Variants in PARD3B observed in about 807,000 individuals in gnomAD.
PARD3B encodes the protein partitioning defective 3 homolog B.
In PARD3B, 103 loss-of-function variants were observed where a neutral mutation model predicts 130.2. That is an observed-to-expected ratio of 0.79 (90% CI 0.67 to 0.93). The LOEUF (loss-of-function observed/expected upper bound fraction) is 0.93. Ranked by LOEUF, PARD3B falls within the 40% of genes least tolerant of loss-of-function variation. The pLI, the probability that PARD3B is intolerant of heterozygous loss-of-function variation, is 0.00. For missense variants in PARD3B, 1,609 were observed against 1,499.2 expected, an observed-to-expected ratio of 1.07 and a Z score of -1.21; for synonymous variants, 583 against 553.2, an observed-to-expected ratio of 1.05 and a Z score of -0.76.
chr2:204,859,077 A>C (rs2045076789), intron 2 of PARD3B, among the ~76,000 whole-genome samples: 3 of 151,966 alleles, frequency 2.0e-5, no homozygotes, highest in Admixed American at 2.0e-4. Context: ...CTTTTACATG[A>C]TGTTTATTAA....
At chr2:204,983,720 C>T (rs1352497289) in intron 3 of PARD3B, among the ~76,000 whole-genome samples, 1 of 152,182 alleles carries the variant, frequency 6.6e-6, no homozygotes, top group African/African-American at 2.4e-5. Context: ...ACTTGCAAGA[C>T]ACAACATCCT....
At chr2:205,201,264 A>G (rs545432817) in intron 15 of PARD3B, among the ~76,000 whole-genome samples, 5 of 152,210 alleles carry the variant, frequency 3.3e-5, no homozygotes, top group Non-Finnish European at 7.3e-5. Context: ...TCAGTACCCC[A>G]GATACATCAA....
intron 2 of PARD3B, among the ~76,000 whole-genome samples, chr2:204,914,775 G>C (rs1026705849): frequency 2.6e-5 from 4 of 152,210 alleles, no homozygotes; most frequent in Non-Finnish European, 4.4e-5. Flanking sequence ...CAGTGGGGCA[G>C]GGAATGAATT....
intron 3 of PARD3B, among the ~76,000 whole-genome samples, chr2:204,998,230 G>T (rs1210585600): frequency 6.9e-6 from 1 of 145,906 alleles, no homozygotes; most frequent in Non-Finnish European, 1.5e-5. Flanking sequence ...ATGATGGGTT[G>T]GTGGGTGCAG....
chr2:204,583,942 C>G (rs373614200), intron 1 of PARD3B, among the ~76,000 whole-genome samples: 9 of 152,244 alleles, frequency 5.9e-5, no homozygotes, highest in African/African-American at 2.2e-4. Flanking sequence ...CCAGTGAGGG[C>G]CTGCTTGCCC....
intron 19 of PARD3B, among the ~76,000 whole-genome samples, chr2:205,436,905 AG>A (rs1380697469): frequency 6.6e-6 from 1 of 151,650 alleles, no homozygotes; most frequent in Non-Finnish European, 1.5e-5. Context: ...ACCTCCATGA[AG>A]TTTTTTTTTT....
At chr2:205,069,877 A>AC (rs1700617933) in intron 4 of PARD3B, among the ~76,000 whole-genome samples, 1 of 152,124 alleles carries the variant, frequency 6.6e-6, no homozygotes, top group South Asian at 2.1e-4. Context: ...TACACTCTAC[A>AC]CTGCCTCATG....
At chr2:204,690,259 A>G (rs2037293320) in intron 2 of PARD3B, among the ~76,000 whole-genome samples, 1 of 152,184 alleles carries the variant, frequency 6.6e-6, no homozygotes, top group African/African-American at 2.4e-5. Flanking sequence ...TACAGTAACT[A>G]CTTTTTTGCA....
chr2:205,503,489 A>G (rs1034482712), intron 21 of PARD3B, among the ~76,000 whole-genome samples: 1 of 152,124 alleles, frequency 6.6e-6, no homozygotes, highest in Non-Finnish European at 1.5e-5. Context: ...GTTTTAAAAT[A>G]AATGAATACT....
intron 2 of PARD3B, among the ~76,000 whole-genome samples, chr2:204,861,118 A>G (rs575153251): frequency 3.4e-5 from 5 of 148,568 alleles, no homozygotes; most frequent in Admixed American, 2.7e-4. Flanking sequence ...GGGCTGCTAC[A>G]ATTTTTCATT....
chr2:205,521,462 C>T (rs1185673821), intron 21 of PARD3B, among the ~76,000 whole-genome samples: 15 of 151,846 alleles, frequency 9.9e-5, no homozygotes, highest in Admixed American at 9.2e-4. Flanking sequence ...TACCTTAGAG[C>T]TTAAGGACTT....
At chr2:205,013,042 T>G (rs1313780770) in intron 3 of PARD3B, among the ~76,000 whole-genome samples, 1 of 152,268 alleles carries the variant, frequency 6.6e-6, no homozygotes, top group Non-Finnish European at 1.5e-5. Flanking sequence ...ACGTAGCGTT[T>G]CCTAGATTCT....
intron 2 of PARD3B, among the ~76,000 whole-genome samples, chr2:204,686,598 T>C (rs1037694573): frequency 6.6e-5 from 10 of 152,190 alleles, no homozygotes; most frequent in African/African-American, 1.9e-4. Context: ...TGTAGTTTAT[T>C]CCTGGCCCTT....
At chr2:204,861,263 C>G (rs1394725613) in intron 2 of PARD3B, among the ~76,000 whole-genome samples, 4 of 148,738 alleles carry the variant, frequency 2.7e-5, no homozygotes, top group South Asian at 4.3e-4. Flanking sequence ...ATTTAGATGA[C>G]TTTCACGTAG....
rs1559341659 is a variant in PARD3B at position 204,998,388 on chromosome 2, GTATATA to G, written c.394+33067_394+33072del. Among the ~76,000 whole-genome samples, 454 of 75,990 alleles carry G rather than the reference GTATATA, an allele frequency of 6.0e-3. 8 individuals carry two copies. Among genetic ancestry groups the G allele is most frequent in the Non-Finnish European group, 8.1e-3 (319 of 39,284 alleles). The allele number at this position is 75,990 out of a possible 152,430, so 49.9% of individuals were successfully genotyped here. On this transcript the variant is annotated intron_variant, in intron 3 of 22. Coordinates refer to ENST00000406610, the MANE Select transcript of PARD3B (RefSeq NM_001302769.2). ...TGTGTGTGTGTGTATATATGTGTGT[GTATATA>G]TGTATATATGTGTATATATATGTAT...
rs374189951 is a variant in PARD3B at position 205,172,287 on chromosome 2, C to G, written c.1697C>G (p.Ala566Gly). 2.8e-5 allele frequency: 45 copies of G among 1,613,938 alleles called. No homozygotes were observed. Among genetic ancestry groups the G allele is most frequent in the Non-Finnish European group, 2.0e-5 (24 of 1,179,978 alleles). ...ESLLGKSNHE[A>G]METLRRSMSM... The stretch of plus-strand genomic sequence containing the variant: ...CTTTTGGGAAAGTCCAACCACGAAG[C>G]TATGGAAACACTTAGGCGGTCAATG... The change falls in exon 12 of 23, where the codon GCT becomes GGT. Residue 566 changes from alanine (A) to glycine (G), a missense_variant. Coordinates refer to ENST00000406610, the MANE Select transcript of PARD3B (RefSeq NM_001302769.2).
rs1410091198 is a variant in PARD3B, at chr2:204,669,869, G to A, written c.121-16312G>A. Among the ~76,000 whole-genome samples the A allele has an allele frequency of 2.0e-5, 3 of 152,038 alleles. No homozygotes were observed. The East Asian group carries it at 5.8e-4, about 29-fold the overall frequency. ...TGTTTTAGATGACAGAATAAACATA[G>A]TCATTTATTAAAGATAAAGGTAACC... is the stretch of plus-strand genomic sequence containing the variant. On this transcript the variant is annotated intron_variant, in intron 1 of 22. Transcript: ENST00000406610. This position sits in a 1 kb window ranked among gnomAD's most constrained non-coding sequence, Gnocchi z 4.3.
chr2:204,604,093 G>A (rs1338605232), intron 1 of PARD3B, among the ~76,000 whole-genome samples: 5 of 152,140 alleles, frequency 3.3e-5, no homozygotes, highest in South Asian at 2.1e-4. Context: ...AGACAACTGT[G>A]GAGGCGATTA....
rs868008329 is a variant in PARD3B, at chr2:204,803,165, T to A, written c.222+116883T>A. 4.5e-3 allele frequency among the ~76,000 whole-genome samples: 583 copies of A among 130,640 alleles called. 3 individuals carry two copies. Among genetic ancestry groups the A allele is most frequent in the East Asian group, 0.023 (101 of 4,476 alleles). The allele number at this position is 130,640 out of a possible 152,430, so 85.7% of individuals were successfully genotyped here. ...GAAGGAAAAAAAAAAAAAAAAAAAATATATATATATATATATAATCCTAGA... is the reference window on the plus strand; with the variant it reads ...GAAGGAAAAAAAAAAAAAAAAAAAAAATATATATATATATATAATCCTAGA... On this transcript the variant is annotated intron_variant, in intron 2 of 22. Coordinates refer to ENST00000406610, the MANE Select transcript of PARD3B (RefSeq NM_001302769.2).
Sources: allele counts gnomAD v4.1 joint callset (sites outside exome capture counted in the v4.1 genomes callset), GRCh38; gene constraint gnomAD v4.1.1; non-coding constraint Gnocchi (gnomAD v3.1); transcripts MANE v1.5; gene names NCBI Gene and HGNC (gene_info 2026-07-23, HGNC 2026-07-21).